PALS1: variants seen among roughly 807,000 people sequenced by gnomAD.
PALS1 encodes the protein protein associated with LIN7 1, MAGUK p55 family member.
In PALS1, 31 loss-of-function variants were observed where a neutral mutation model predicts 78.9. The ratio of observed to expected loss-of-function variants is 0.39; its 90% confidence interval spans 0.30 to 0.53. The LOEUF is 0.53. Among genes scored for constraint, PALS1 ranks in the 20% least tolerant of loss-of-function variants. The pLI is 0.67. For missense variants in PALS1, 704 were observed against 826.5 expected (o/e 0.85, Z 1.82); for synonymous variants, 276 against 270.9 (o/e 1.02, Z -0.18).
Position 67,319,185 on chromosome 14 carries a change from G to A in PALS1, c.1370-1045G>A, listed in dbSNP as rs1209976975. Among the ~76,000 whole-genome samples, 3 of 152,182 alleles carry A rather than the reference G, an allele frequency of 2.0e-5. No homozygotes were observed. The East Asian group carries it at 5.8e-4, about 29-fold the overall frequency. ...CCTGCTCTGTGCCAGGCTCTGTGCT[G>A]AGCATTGACAAGCCTAAGATGGTCC... On this transcript the variant is annotated intron_variant, in intron 11 of 14. Coordinates refer to ENST00000261681, the MANE Select transcript of PALS1 (RefSeq NM_022474.4).
chr14:67,325,972 CTCTTT>C (rs1223089865), intron 14 of PALS1, among the ~76,000 whole-genome samples: 26 of 135,158 alleles, frequency 1.9e-4, no homozygotes, highest in Admixed American at 3.1e-4. Context: ...CCACACCCGG[CTCTTT>C]TCTTTTTTTT....
chr14:67,314,460 A>C (rs1383157716), intron 9 of PALS1, among the ~76,000 whole-genome samples: 1 of 152,188 alleles, frequency 6.6e-6, no homozygotes. Flanking sequence ...GTCATATTTT[A>C]AGGAAGGAGG....
intron 8 of PALS1, chr14:67,312,318 C>A: frequency 2.8e-6 from 1 of 351,380 alleles, no homozygotes; most frequent in Non-Finnish European, 5.0e-6. Context: ...TGGCTCACAC[C>A]TATAATCCCA....
intron 3 of PALS1, among the ~76,000 whole-genome samples, chr14:67,284,481 A>T (rs2084649651): frequency 7.3e-6 from 1 of 136,248 alleles, no homozygotes; most frequent in African/African-American, 2.8e-5. Context: ...TAGTCCCAGC[A>T]TACTAGGGAG....
chr14:67,272,136 T>C (rs1217226578), intron 2 of PALS1: 1 of 152,176 alleles, frequency 6.6e-6, no homozygotes, highest in African/African-American at 2.4e-5. Flanking sequence ...TAAATTTGTA[T>C]ACAAATCACT....
intron 11 of PALS1, among the ~76,000 whole-genome samples, chr14:67,318,185 T>G (rs1226761096): frequency 6.6e-6 from 1 of 152,236 alleles, no homozygotes; most frequent in African/African-American, 2.4e-5. Flanking sequence ...GCTTTCCTTC[T>G]TATGTAATTT....
At chr14:67,317,729 CA>C (rs1167969781) in intron 11 of PALS1, among the ~76,000 whole-genome samples, 1 of 152,096 alleles carries the variant, frequency 6.6e-6, no homozygotes, top group Non-Finnish European at 1.5e-5. Flanking sequence ...AAACTCTTTG[CA>C]AAAATTATAC....
chr14:67,255,211 G>A (rs117954394), intron 1 of PALS1, among the ~76,000 whole-genome samples: 4,007 of 152,180 alleles, frequency 0.026, 103 homozygotes, highest in Admixed American at 0.069. Context: ...CTTCAGACAC[G>A]TTTTTCAGGG....
chr14:67,295,539 TA>T (rs917047088), intron 4 of PALS1, among the ~76,000 whole-genome samples: 8 of 148,444 alleles, frequency 5.4e-5, no homozygotes, highest in Non-Finnish European at 7.4e-5. Context: ...ACTACTCGGT[TA>T]AAAAAAAATT....
chr14:67,291,309 A>G (rs976432577), intron 3 of PALS1, among the ~76,000 whole-genome samples: 4 of 149,078 alleles, frequency 2.7e-5, no homozygotes, highest in African/African-American at 5.0e-5. Flanking sequence ...GCTCACTGCA[A>G]CCTCCGCCTC....
At chr14:67,278,809 C>A (rs866856761) in intron 2 of PALS1, among the ~76,000 whole-genome samples, 63 of 152,054 alleles carry the variant, frequency 4.1e-4, no homozygotes, top group African/African-American at 1.5e-3. Flanking sequence ...TAGTATGTTT[C>A]ACATTTTTGG....
chr14:67,306,093 C>T (rs2084997857), intron 8 of PALS1, among the ~76,000 whole-genome samples: 1 of 152,166 alleles, frequency 6.6e-6, no homozygotes, highest in Non-Finnish European at 1.5e-5. Context: ...CTTCAGCCTC[C>T]CTAGTAGCTG....
At position 67,261,428 on chromosome 14, in the gene PALS1, T is replaced by C. The variant is rs900891024; in HGVS notation, c.-236-8273T>C. On this transcript the variant is annotated intron_variant, in intron 1 of 14. Coordinates refer to ENST00000261681, the MANE Select transcript of PALS1 (RefSeq NM_022474.4). ...GAATTGATGGGAGTTGGTATAGTTA[T>C]AAGTATGTTTAGGGATATTACAGTT... 1.4e-4 allele frequency among the ~76,000 whole-genome samples: 22 copies of C among 152,174 alleles called. 1 individual carries two copies. Among genetic ancestry groups the C allele is most frequent in the Non-Finnish European group, 7.4e-5 (5 of 68,026 alleles).
At chr14:67,307,190 T>G (rs2085017675) in intron 8 of PALS1, among the ~76,000 whole-genome samples, 1 of 152,224 alleles carries the variant, frequency 6.6e-6, no homozygotes, top group Non-Finnish European at 1.5e-5. Flanking sequence ...ACTGGCACAT[T>G]TGATCTAGGA....
chr14:67,315,885 A>G (rs1011297767), intron 9 of PALS1, among the ~76,000 whole-genome samples: 2 of 152,254 alleles, frequency 1.3e-5, no homozygotes, highest in African/African-American at 2.4e-5. Context: ...AGATTGCGCC[A>G]CTGCACTCCA....
intron 1 of PALS1, among the ~76,000 whole-genome samples, chr14:67,254,032 C>CG (rs1395623950): frequency 4.2e-5 from 6 of 142,446 alleles, no homozygotes; most frequent in South Asian, 4.7e-4. Context: ...TCATCCCCCC[C>CG]CCCTTACAAG....
chr14:67,296,359 G>C (rs1259787789), intron 4 of PALS1, among the ~76,000 whole-genome samples: 1 of 152,152 alleles, frequency 6.6e-6, no homozygotes, highest in African/African-American at 2.4e-5. Context: ...CCAGCATTTT[G>C]GGAGGCCAAG....
chr14:67,298,474 C>T (rs2084889271), intron 4 of PALS1, among the ~76,000 whole-genome samples: 1 of 150,378 alleles, frequency 6.6e-6, no homozygotes, highest in African/African-American at 2.5e-5. Flanking sequence ...AAGATCATGC[C>T]ATTGCACTCC....
intron 4 of PALS1, among the ~76,000 whole-genome samples, chr14:67,294,054 G>A (rs1392333235): frequency 1.3e-5 from 2 of 152,158 alleles, no homozygotes; most frequent in South Asian, 2.1e-4. Flanking sequence ...AATGCCTTGG[G>A]AAGAAATAAG....
Sources: allele counts gnomAD v4.1 joint callset (sites outside exome capture counted in the v4.1 genomes callset), GRCh38; gene constraint gnomAD v4.1.1; transcripts MANE v1.5; gene names NCBI Gene and HGNC (gene_info 2026-07-23, HGNC 2026-07-21).